The following FILIP1L variants were observed in gnomAD, a reference collection of about 807,000 sequenced individuals.
FILIP1L encodes the protein filamin A-interacting protein 1-like.
FILIP1L carries 55 observed loss-of-function variants against 96.6 expected under a neutral mutation model. The ratio of observed to expected loss-of-function variants is 0.57; its 90% CI spans 0.46 to 0.71. The LOEUF (loss-of-function observed/expected upper bound fraction) is 0.71. FILIP1L is among the 30% of genes least tolerant of loss of function. The pLI is 0.00. For missense variants in FILIP1L, 1,304 were observed against 1,321.2 expected (o/e 0.99, Z 0.20); for synonymous variants, 467 against 473.9 (o/e 0.99, Z 0.19).
intron 1 of FILIP1L, among the ~76,000 whole-genome samples, chr3:100,066,079 G>A (rs2065658470): frequency 1.3e-5 from 2 of 152,200 alleles, no homozygotes; most frequent in South Asian, 4.1e-4. Context: ...AGAGAACTTA[G>A]AGAGATGGTC....
intron 4 of FILIP1L, among the ~76,000 whole-genome samples, chr3:99,912,216 ATTATT>A (rs1404413764): frequency 1.3e-5 from 2 of 152,196 alleles, no homozygotes; most frequent in African/African-American, 4.8e-5. Context: ...CCCTGAAAAC[ATTATT>A]TTAAGTGAAA....
At chr3:100,057,491 G>A (rs576478605) in intron 1 of FILIP1L, among the ~76,000 whole-genome samples, 30 of 152,336 alleles carry the variant, frequency 2.0e-4, no homozygotes, top group Admixed American at 4.6e-4. Context: ...AACATTACAT[G>A]TTCTTGGGTA....
chr3:99,836,005 A>G (rs1053799018), intron 5 of FILIP1L, among the ~76,000 whole-genome samples: 1 of 152,196 alleles, frequency 6.6e-6, no homozygotes, highest in South Asian at 2.1e-4. Context: ...GGGTATGTCC[A>G]GAGTTTCAAA....
chr3:100,011,677 T>G (rs192303611), intron 1 of FILIP1L: 3 of 152,324 alleles, frequency 2.0e-5, no homozygotes, highest in Admixed American at 6.5e-5. Context: ...AGTTCATGTA[T>G]TAAACCAAAG....
chr3:99,943,859 C>T (rs1358971058), intron 1 of FILIP1L, among the ~76,000 whole-genome samples: 1 of 152,178 alleles, frequency 6.6e-6, no homozygotes, highest in Non-Finnish European at 1.5e-5. Flanking sequence ...TTACTTCCCT[C>T]GCAACTTCTG....
At chr3:100,090,346 G>A (rs909261781) in intron 1 of FILIP1L, among the ~76,000 whole-genome samples, 9 of 152,330 alleles carry the variant, frequency 5.9e-5, no homozygotes, top group African/African-American at 2.2e-4. Context: ...TTTTGGAAAA[G>A]TGCAGCTGGG....
chr3:99,956,538 G>A (rs992726992), intron 1 of FILIP1L, among the ~76,000 whole-genome samples: 1 of 152,114 alleles, frequency 6.6e-6, no homozygotes, highest in Non-Finnish European at 1.5e-5. Flanking sequence ...TTATAGATGG[G>A]GTTTCACCAC....
At chr3:100,091,259 T>G (rs2066102178) in intron 1 of FILIP1L, among the ~76,000 whole-genome samples, 1 of 131,792 alleles carries the variant, frequency 7.6e-6, no homozygotes, top group African/African-American at 3.0e-5. Flanking sequence ...CACTCCAGAC[T>G]AGGCGACAGA....
chr3:99,902,702 G>A (rs912291063), intron 4 of FILIP1L, among the ~76,000 whole-genome samples: 120 of 152,150 alleles, frequency 7.9e-4, no homozygotes, highest in African/African-American at 2.8e-3. Flanking sequence ...AATCAATAGT[G>A]TGATCTTATT....
At chr3:99,839,339 A>G (rs539989873) in intron 5 of FILIP1L, among the ~76,000 whole-genome samples, 2 of 152,324 alleles carry the variant, frequency 1.3e-5, no homozygotes, top group East Asian at 3.9e-4. Context: ...GCAATATTGC[A>G]TGCTTCATAA....
chr3:99,835,121 C>T lies in FILIP1L; in HGVS notation c.3382-4516G>A, dbSNP rs76225964. Among the ~76,000 whole-genome samples the T allele has an allele frequency of 6.0e-4, 92 of 152,272 alleles. 1 individual carries two copies. In the East Asian group the frequency reaches 0.017, roughly 28 times the overall value. On this transcript the variant is annotated intron_variant, in intron 5 of 5. Coordinates refer to ENST00000477258, the MANE Select transcript of FILIP1L (RefSeq NM_001387850.1). ...CTTGTTTTCCTGCTTTATCTCTCAA[C>T]TTTCCTCTCTCTCCAATTATTTATA... is the stretch of plus-strand genomic sequence containing the variant.
At chr3:99,932,829 T>A (rs1397440702) in intron 1 of FILIP1L, among the ~76,000 whole-genome samples, 1 of 152,168 alleles carries the variant, frequency 6.6e-6, no homozygotes, top group Non-Finnish European at 1.5e-5. Context: ...AGGCCGAGGT[T>A]GCATTGAGCC....
intron 1 of FILIP1L, among the ~76,000 whole-genome samples, chr3:99,942,143 A>G (rs1432948076): frequency 6.6e-6 from 1 of 151,842 alleles, no homozygotes; most frequent in Non-Finnish European, 1.5e-5. Context: ...GGAGCTTTGT[A>G]GTGAGCCGAG....
At chr3:100,095,748 A>T (rs1271344161) in intron 1 of FILIP1L, among the ~76,000 whole-genome samples, 1 of 152,190 alleles carries the variant, frequency 6.6e-6, no homozygotes, top group Non-Finnish European at 1.5e-5. Context: ...CAGCACAGGC[A>T]ACCAAAGCAA....
chr3:100,051,067 A>G (rs909458881), intron 1 of FILIP1L, among the ~76,000 whole-genome samples: 6 of 152,226 alleles, frequency 3.9e-5, no homozygotes, highest in Non-Finnish European at 7.3e-5. Flanking sequence ...ATATTTTATT[A>G]GTATAAATTT....
chr3:100,009,343 A>G (rs1241541737), intron 1 of FILIP1L, among the ~76,000 whole-genome samples: 2 of 152,200 alleles, frequency 1.3e-5, no homozygotes, highest in Non-Finnish European at 2.9e-5. Flanking sequence ...AGGGAGTTAG[A>G]GTTCGCAGTA....
At chr3:100,051,019 C>G (rs1329056329) in intron 1 of FILIP1L, among the ~76,000 whole-genome samples, 2 of 152,134 alleles carry the variant, frequency 1.3e-5, no homozygotes, top group Non-Finnish European at 2.9e-5. Context: ...TGCAAACAAT[C>G]TTATACCCAC....
intron 4 of FILIP1L, among the ~76,000 whole-genome samples, chr3:99,895,569 T>C (rs1706224983): frequency 6.6e-6 from 1 of 152,180 alleles, no homozygotes; most frequent in African/African-American, 2.4e-5. Flanking sequence ...CACAATAGCA[T>C]AACTATGAAC....
intron 4 of FILIP1L, among the ~76,000 whole-genome samples, chr3:99,909,565 A>G (rs1706726743): frequency 6.6e-6 from 1 of 152,236 alleles, no homozygotes; most frequent in Admixed American, 6.5e-5. Flanking sequence ...TAGGTGAAGC[A>G]GAAACTCTCT....
Sources: gnomAD v4.1 joint callset for allele counts (sites outside exome capture counted in the v4.1 genomes callset) on GRCh38, gnomAD v4.1.1 for gene constraint, MANE v1.5 for transcripts, NCBI Gene and HGNC (gene_info 2026-07-23, HGNC 2026-07-21) for gene names.